NECAB1: variants seen among roughly 807,000 people sequenced by gnomAD.
NECAB1 encodes N-terminal EF-hand calcium binding protein 1, also known as N-terminal EF-hand calcium-binding protein 1.
In NECAB1, 29 loss-of-function variants were observed where a neutral mutation model predicts 57.5. That is an observed-to-expected ratio of 0.50 (90% CI 0.38 to 0.69). The LOEUF is 0.69. NECAB1 is among the 30% of genes least tolerant of loss of function. NECAB1 has a pLI of 0.00. For synonymous variants in NECAB1, 142 were observed against 147.7 expected, an observed-to-expected ratio of 0.96 and a Z score of 0.28; for missense variants, 372 against 413.8, an observed-to-expected ratio of 0.90 and a Z score of 0.88.
rs1159638434 is a variant in NECAB1, at chr8:90,791,852, C to T, written c.-35C>T. 2 of 1,518,282 alleles carry T rather than the reference C, an allele frequency of 1.3e-6. No individual in the cohort carries two copies. The highest frequency in any genetic ancestry group is 2.0e-5 in the Admixed American group (1 of 50,946). 94.1% of individuals were successfully genotyped at this position (1,518,282 alleles called of 1,614,324 possible). ...TGCCAGAGCCGGTGCGTCCGCCTAG[C>T]CCCGCTCCGCCTGAGGCCGTCAGGG... On this transcript the variant is annotated 5_prime_UTR_variant, in exon 1 of 13. Coordinates refer to ENST00000417640, the MANE Select transcript of NECAB1 (RefSeq NM_022351.5).
At chr8:90,808,184 C>A (rs958378110) in intron 2 of NECAB1, among the ~76,000 whole-genome samples, 2 of 152,104 alleles carry the variant, frequency 1.3e-5, no homozygotes, top group Non-Finnish European at 2.9e-5. Context: ...AAATGGCTCC[C>A]AAGGGCTGTC....
At chr8:90,938,344 AAG>A (rs1308456929) in intron 9 of NECAB1, among the ~76,000 whole-genome samples, 1 of 152,206 alleles carries the variant, frequency 6.6e-6, no homozygotes, top group African/African-American at 2.4e-5. Flanking sequence ...AGCACCATGA[AAG>A]AATATTCAAC....
rs142441517 is a variant in NECAB1, at chr8:90,898,764, C to G, written c.357+17634C>G. Among the ~76,000 whole-genome samples the G allele has an allele frequency of 4.9e-4, 74 of 152,354 alleles. No individual in the cohort carries two copies. In the East Asian group the frequency reaches 0.014, roughly 28 times the overall value. On this transcript the variant is annotated intron_variant, in intron 5 of 12. Transcript: ENST00000417640. ...CTCAATTAGTCTTTTAGCCCAACTG[C>G]ACTGAGTCACTCTCACAGTCAGGCA...
At chr8:90,948,864 G>A (rs531062189) in intron 10 of NECAB1, among the ~76,000 whole-genome samples, 1 of 152,172 alleles carries the variant, frequency 6.6e-6, no homozygotes, top group East Asian at 1.9e-4. Flanking sequence ...TATAGCTCTA[G>A]CCACGTCACT....
chr8:90,906,020 G>A (rs1000959350), intron 5 of NECAB1, among the ~76,000 whole-genome samples: 5 of 151,956 alleles, frequency 3.3e-5, no homozygotes, highest in Admixed American at 2.6e-4. Flanking sequence ...GCATATTATC[G>A]CTGACTCTTT....
chr8:90,854,061 T>A (rs1315784994), intron 3 of NECAB1, among the ~76,000 whole-genome samples: 1 of 152,156 alleles, frequency 6.6e-6, no homozygotes, highest in Non-Finnish European at 1.5e-5. Flanking sequence ...CTTGATACTA[T>A]CTGGGAGGCC....
chr8:90,954,505 C>CA (rs776506188), intron 12 of NECAB1, among the ~76,000 whole-genome samples: 31 of 150,096 alleles, frequency 2.1e-4, no homozygotes, highest in South Asian at 2.1e-4. Flanking sequence ...AAACAGGATA[C>CA]AAAAAAAAAG....
At chr8:90,880,444 T>C (rs1056392857) in intron 4 of NECAB1, among the ~76,000 whole-genome samples, 1 of 152,152 alleles carries the variant, frequency 6.6e-6, no homozygotes. Context: ...TTCCATACTT[T>C]TAATTTTAAT....
At chr8:90,892,713 G>A (rs1463887486) in intron 5 of NECAB1, among the ~76,000 whole-genome samples, 1 of 152,184 alleles carries the variant, frequency 6.6e-6, no homozygotes, top group Non-Finnish European at 1.5e-5. Flanking sequence ...CTCGCACAGG[G>A]ATTCCTTGTC....
chr8:90,882,124 T>C (rs1459574371), intron 5 of NECAB1, among the ~76,000 whole-genome samples: 2 of 152,138 alleles, frequency 1.3e-5, no homozygotes, highest in Admixed American at 1.3e-4. Flanking sequence ...GCAAATAATT[T>C]AAGCAGAAAT....
intron 3 of NECAB1, among the ~76,000 whole-genome samples, chr8:90,853,138 C>T (rs1196001894): frequency 6.6e-6 from 1 of 152,266 alleles, no homozygotes; most frequent in Non-Finnish European, 1.5e-5. Context: ...AGCACTTGCC[C>T]TGGCTCCTGT....
At chr8:90,872,019 C>A in intron 3 of NECAB1, 109 bp from the exon 4 acceptor site, 1 of 791,688 alleles carries the variant, frequency 1.3e-6, no homozygotes, top group African/African-American at 1.8e-5. Context: ...AACTACATAC[C>A]ATCAATTAAT....
At chr8:90,840,388 A>G (rs1313004695) in intron 3 of NECAB1, among the ~76,000 whole-genome samples, 1 of 152,212 alleles carries the variant, frequency 6.6e-6, no homozygotes, top group East Asian at 1.9e-4. Context: ...AGCCACAGTG[A>G]GATTGGGTCA....
At chr8:90,843,122 A>G (rs1215330803) in intron 3 of NECAB1, among the ~76,000 whole-genome samples, 11 of 152,150 alleles carry the variant, frequency 7.2e-5, no homozygotes, top group African/African-American at 2.7e-4. Flanking sequence ...GTGCAGGGGA[A>G]CTTCTTTATA....
At chr8:90,840,908 A>G (rs1174100464) in intron 3 of NECAB1, among the ~76,000 whole-genome samples, 1 of 150,492 alleles carries the variant, frequency 6.6e-6, no homozygotes, top group Non-Finnish European at 1.5e-5. Context: ...TAGAAATCTA[A>G]TATTTCAGGA....
chr8:90,823,775 A>G (rs1288866734), intron 2 of NECAB1, among the ~76,000 whole-genome samples: 1 of 151,884 alleles, frequency 6.6e-6, no homozygotes, highest in African/African-American at 2.4e-5. Flanking sequence ...TGTAGATGGA[A>G]GGGATCTTAC....
intron 5 of NECAB1, among the ~76,000 whole-genome samples, chr8:90,885,909 ATAAG>A (rs1269819139): frequency 2.0e-5 from 3 of 152,212 alleles, no homozygotes; most frequent in African/African-American, 7.2e-5. Context: ...TGACAAATGA[ATAAG>A]TAGGTGTCCA....
chr8:90,850,922 T>C (rs1006850152), intron 3 of NECAB1, among the ~76,000 whole-genome samples: 3 of 152,106 alleles, frequency 2.0e-5, no homozygotes, highest in East Asian at 3.9e-4. Flanking sequence ...TCTTGAAGGA[T>C]GGGGGCTGGT....
intron 5 of NECAB1, among the ~76,000 whole-genome samples, chr8:90,887,185 ATC>A (rs1809022504): frequency 1.3e-5 from 2 of 152,230 alleles, no homozygotes; most frequent in East Asian, 1.9e-4. Flanking sequence ...AACCCACCTA[ATC>A]TCTCTTTTAG....
Sources: gnomAD v4.1 joint callset for allele counts (sites outside exome capture counted in the v4.1 genomes callset) on GRCh38, gnomAD v4.1.1 for gene constraint, MANE v1.5 for transcripts, NCBI Gene and HGNC (gene_info 2026-07-23, HGNC 2026-07-21) for gene names.